The following DNAH9 variants were observed in gnomAD, a reference collection of about 807,000 sequenced individuals.
DNAH9 encodes the protein DNAH9 variant protein.
Under a neutral mutation model 471.6 loss-of-function variants are expected in DNAH9, and 345 were observed. That is an observed-to-expected ratio of 0.73 (90% CI 0.67 to 0.80). The LOEUF (loss-of-function observed/expected upper bound fraction) is 0.80, where lower values mean the gene tolerates loss of function less well. DNAH9 is among the 30% of genes least tolerant of loss of function. The pLI is 0.00. For synonymous variants in DNAH9, 2,093 were observed against 2,123.6 expected (o/e 0.99, Z 0.40); for missense variants, 5,407 against 5,609.2 (o/e 0.96, Z 1.15).
chr17:11,737,964 G>A (rs1346877764), intron 28 of DNAH9, among the ~76,000 whole-genome samples: 3 of 152,210 alleles, frequency 2.0e-5, no homozygotes, highest in East Asian at 3.9e-4. Flanking sequence ...TTTAGGCTAT[G>A]TACTTCACAG....
chr17:11,612,048 C>T (rs547365584), intron 4 of DNAH9: 137 of 596,416 alleles, frequency 2.3e-4, no homozygotes, highest in Non-Finnish European at 3.8e-4. Context: ...ATGGGGCATA[C>T]ACTTCTGCCT....
chr17:11,929,782 C>G, intron 62 of DNAH9, 84 bp from the exon 63 acceptor site: 2 of 1,168,164 alleles, frequency 1.7e-6, no homozygotes, highest in Non-Finnish European at 1.2e-6. Context: ...AGTCCCCCCT[C>G]TGGCTGCCTT....
intron 40 of DNAH9, among the ~76,000 whole-genome samples, 199 bp from the exon 41 acceptor site, chr17:11,784,101 A>G (rs1597642618): frequency 6.6e-6 from 1 of 152,264 alleles, no homozygotes; most frequent in East Asian, 1.9e-4. Context: ...CCAGGCTGCC[A>G]TCTTTAACTG....
At chr17:11,742,758 T>C (rs532000776) in intron 30 of DNAH9, among the ~76,000 whole-genome samples, 64 of 152,306 alleles carry the variant, frequency 4.2e-4, no homozygotes, top group African/African-American at 1.3e-3. Flanking sequence ...AAATTGCACC[T>C]TAGCAAAACA....
At chr17:11,652,167 G>A (rs1414408741) in intron 13 of DNAH9, among the ~76,000 whole-genome samples, 1 of 151,870 alleles carries the variant, frequency 6.6e-6, no homozygotes, top group Non-Finnish European at 1.5e-5. Flanking sequence ...AAGTCTCACT[G>A]GTGTTTGGAT....
Position 11,747,611 on chromosome 17 carries a change from G to A in DNAH9, c.6455G>A (p.Gly2152Asp), listed in dbSNP as rs79099918. 2.3e-5 allele frequency: 37 copies of A among 1,614,090 alleles called. No homozygotes were observed. In the East Asian group the frequency reaches 6.7e-4, roughly 29 times the overall value. The part of the protein sequence containing the change: ...AVRHSVFVVG[G>D]AGTGKSQVLR... ...CGGCACTCTGTATTTGTGGTGGGTG[G>A]CGCTGGTACCGGCAAGTCACAGGTG... The change falls in exon 32 of 69, where the codon GGC becomes GAC. Residue 2152 changes from glycine to aspartate, a missense_variant. By Grantham distance (94) the Gly-to-Asp change is moderately conservative. Transcript: ENST00000262442.
chr17:11,855,449 G>A (rs1971592890), intron 50 of DNAH9, among the ~76,000 whole-genome samples: 1 of 152,168 alleles, frequency 6.6e-6, no homozygotes. Context: ...GAGTCTTTGT[G>A]TGAGAAAGGT....
Position 11,923,870 on chromosome 17 carries a change from C to T in DNAH9, c.11806C>T (p.Gln3936Ter). The change falls in exon 62 of 69, where the codon CAA becomes TAA. Residue 3936 changes from glutamine to a stop codon, truncating the protein, a stop_gained. Coordinates refer to ENST00000262442, the MANE Select transcript of DNAH9 (RefSeq NM_001372.4). LOFTEE classifies it high-confidence loss of function. ...GAACTTTCACAACGTGTCTTTGGGG[C>T]AAGGACAGGAAGTGGTGGCTGAGGC... is the stretch of plus-strand genomic sequence containing the variant. ...NQNFHNVSLG[Q>*]GQEVVAEAAL... 1 of 1,614,050 alleles carries T rather than the reference C, an allele frequency of 6.2e-7. No homozygotes were observed. The highest frequency in any genetic ancestry group is 2.2e-5 in the East Asian group (1 of 44,872).
chr17:11,854,439 C>A lies in DNAH9; in HGVS notation c.9933+11C>A, dbSNP rs1481409945. The A allele has an allele frequency of 1.3e-5, 21 of 1,604,082 alleles. No homozygotes were observed. The highest frequency in any genetic ancestry group is 1.6e-5 in the Non-Finnish European group (19 of 1,174,776). ...AAAGCCAAGATCGCTGTGAGTGACCCCAGAGCCCCTCACCCTGCTAGTCCG... is the reference window on the plus strand; with the variant it reads ...AAAGCCAAGATCGCTGTGAGTGACCACAGAGCCCCTCACCCTGCTAGTCCG... On this transcript the variant is annotated intron_variant, in intron 50 of 68. Transcript: ENST00000262442.
chr17:11,762,995 G>A (rs1456954103), intron 35 of DNAH9, among the ~76,000 whole-genome samples: 3 of 151,844 alleles, frequency 2.0e-5, no homozygotes, highest in Non-Finnish European at 4.4e-5. Context: ...TAGCCAGAAT[G>A]GTCTCGATCT....
chr17:11,719,891 T>G, intron 27 of DNAH9, among the ~76,000 whole-genome samples: 1 of 152,196 alleles, frequency 6.6e-6, no homozygotes, highest in Non-Finnish European at 1.5e-5. Context: ...GGCACTTGTC[T>G]TCACATAAAA....
At chr17:11,812,826 T>C (rs1969974050) in intron 45 of DNAH9, among the ~76,000 whole-genome samples, 1 of 152,176 alleles carries the variant, frequency 6.6e-6, no homozygotes, top group African/African-American at 2.4e-5. Flanking sequence ...TCTGCAATAG[T>C]GTTTAATCTA....
chr17:11,824,475 TG>T (rs1464734131), intron 48 of DNAH9, among the ~76,000 whole-genome samples: 9 of 152,236 alleles, frequency 5.9e-5, no homozygotes, highest in African/African-American at 2.2e-4. Context: ...TCGTCAGATC[TG>T]GTCTCTCCTC....
chr17:11,829,043 A>T (rs1970599631), intron 48 of DNAH9, among the ~76,000 whole-genome samples: 1 of 152,160 alleles, frequency 6.6e-6, no homozygotes, highest in Non-Finnish European at 1.5e-5. Context: ...GCGAGCTCAG[A>T]GTGGGGGTGG....
chr17:11,623,881 G>A lies in DNAH9; in HGVS notation c.1350+4100G>A, dbSNP rs1405816133. Among the ~76,000 whole-genome samples the A allele has an allele frequency of 2.0e-5, 3 of 152,266 alleles. No individual in the cohort carries two copies. Among genetic ancestry groups the A allele is most frequent in the East Asian group, 3.9e-4 (2 of 5,166 alleles). ...TTCTCCCAGATTTCATTTCTCTGAT[G>A]TGAGTTGCTTTTTTATTCTTTCACT... On this transcript the variant is annotated intron_variant, in intron 6 of 68. Transcript: ENST00000262442. This position sits in a 1 kb window ranked among gnomAD's most constrained non-coding sequence, Gnocchi z 4.1.
intron 67 of DNAH9, 42 bp from the exon 68 acceptor site, chr17:11,961,825 C>G (rs780048530): frequency 6.4e-7 from 1 of 1,551,770 alleles, no homozygotes; most frequent in Non-Finnish European, 8.7e-7. Flanking sequence ...TCAGGGACTT[C>G]CCACCTTCTC....
chr17:11,669,045 T>G lies in DNAH9; in HGVS notation c.2732-19T>G. On this transcript the variant is annotated intron_variant, in intron 15 of 68. Coordinates refer to ENST00000262442, the MANE Select transcript of DNAH9 (RefSeq NM_001372.4). ...TTATCCACTCTTTGTTTTGTTTGCT[T>G]GTTTTCTGTGTTTTTCAGAGTGTAA... The G allele has an allele frequency of 6.4e-7, 1 of 1,570,826 alleles. No homozygotes were observed. The highest frequency in any genetic ancestry group is 8.7e-7 in the Non-Finnish European group (1 of 1,150,138).
chr17:11,633,088 G>C (rs940261475), intron 8 of DNAH9, among the ~76,000 whole-genome samples: 21 of 152,090 alleles, frequency 1.4e-4, no homozygotes, highest in African/African-American at 5.1e-4. Context: ...TAGGTTTCAG[G>C]CATCGATAAC....
Position 11,892,014 on chromosome 17 carries a change from G to A in DNAH9, c.11283+67G>A. The A allele has an allele frequency of 6.4e-7, 1 of 1,561,086 alleles. No homozygotes were observed. Among genetic ancestry groups the A allele is most frequent in the South Asian group, 1.1e-5 (1 of 87,560 alleles). Reference sequence around the variant, plus strand: ...TTAGTGCCCAGACAGCAGGTGTTAAGAAACTTTCTTCTTTGAACATCACTT... The same window carrying A: ...TTAGTGCCCAGACAGCAGGTGTTAAAAAACTTTCTTCTTTGAACATCACTT... On this transcript the variant is annotated intron_variant, in intron 58 of 68. Coordinates refer to ENST00000262442, the MANE Select transcript of DNAH9 (RefSeq NM_001372.4). The surrounding 1 kb of genome is among the most constrained non-coding windows in gnomAD (Gnocchi z 4.3).
Sources: allele counts gnomAD v4.1 joint callset (sites outside exome capture counted in the v4.1 genomes callset), GRCh38; gene constraint gnomAD v4.1.1; non-coding constraint Gnocchi (gnomAD v3.1); transcripts MANE v1.5; gene names NCBI Gene and HGNC (gene_info 2026-07-23, HGNC 2026-07-21).